Variants in NOTCH2 observed in about 807,000 individuals in gnomAD.
NOTCH2 encodes notch receptor 2.
Under a neutral mutation model 235.8 loss-of-function variants are expected in NOTCH2, and 29 were observed. That is an observed-to-expected ratio of 0.12 (90% CI 0.09 to 0.17). The LOEUF (loss-of-function observed/expected upper bound fraction) is 0.17. NOTCH2 is among the 10% of genes least tolerant of loss of function. NOTCH2 has a pLI of 1.00. For synonymous variants in NOTCH2, 1,086 were observed against 1,141.5 expected (o/e 0.95, Z 0.98); for missense variants, 2,285 against 3,150.2 (o/e 0.73, Z 6.57).
At chr1:119,935,679 T>C (rs1649824562) in intron 21 of NOTCH2, 75 bp from the exon 22 acceptor site, 2 of 1,525,766 alleles carry the variant, frequency 1.3e-6, no homozygotes, top group Non-Finnish European at 1.8e-6. Context: ...TAGTGAGATC[T>C]GGAACATTTC....
chr1:119,938,487 G>A (rs1400833476), intron 19 of NOTCH2, among the ~76,000 whole-genome samples: 20 of 152,144 alleles, frequency 1.3e-4, no homozygotes, highest in African/African-American at 4.6e-4. Context: ...AGTCCTAGTG[G>A]TGGCAGGTCA....
Position 119,937,996 on chromosome 1 carries a change from G to A in NOTCH2, c.3198C>T (p.Leu1066=). The change falls in exon 20 of 34, where the codon CTC becomes CTT. Residue 1066 remains leucine (L), a synonymous_variant. Transcript: ENST00000256646. The stretch of plus-strand genomic sequence containing the variant: ...TGTTTTTACATGGAGACCGACTGCA[G>A]AGATTCACCAGGGTCTGAAACAGAG... ...TGKNCQTLVN[L]CSRSPCKNKG... The A allele has an allele frequency of 6.2e-7, 1 of 1,614,190 alleles. No individual in the cohort carries two copies.
chr1:120,029,671 C>T lies in NOTCH2; in HGVS notation c.155+235G>A, dbSNP rs587623812. On this transcript the variant is annotated intron_variant, in intron 2 of 33. Transcript: ENST00000256646. Reference sequence around the variant, plus strand: ...GTCTACCCCATATACATTAACTAGCCACTCACTGAAAAGTCTTTTTCATAG... The same window carrying T: ...GTCTACCCCATATACATTAACTAGCTACTCACTGAAAAGTCTTTTTCATAG... Among the ~76,000 whole-genome samples, 7 of 151,012 alleles carry T rather than the reference C, an allele frequency of 4.6e-5. No homozygotes were observed. The East Asian group carries it at 1.2e-3, about 25-fold the overall frequency.
Position 120,069,444 on chromosome 1 carries a change from G to T in NOTCH2, c.-38C>A, listed in dbSNP as rs1553217988. The T allele has an allele frequency of 2.0e-6, 3 of 1,526,124 alleles. No individual in the cohort carries two copies. The highest frequency in any genetic ancestry group is 2.0e-5 in the Admixed American group (1 of 49,142). 94.5% of individuals were successfully genotyped at this position (1,526,124 alleles called of 1,614,324 possible). ...CTCCTCCTCCGCCGCCGCCGCCGCCGCCTGGGCAGATCCACATGGGGAGGG... is the reference window on the plus strand; with the variant it reads ...CTCCTCCTCCGCCGCCGCCGCCGCCTCCTGGGCAGATCCACATGGGGAGGG... On this transcript the variant is annotated 5_prime_UTR_variant, in exon 1 of 34. Coordinates refer to ENST00000256646, the MANE Select transcript of NOTCH2 (RefSeq NM_024408.4).
chr1:120,004,877 A>G (rs1362922558), intron 3 of NOTCH2, among the ~76,000 whole-genome samples: 2 of 152,130 alleles, frequency 1.3e-5, no homozygotes, highest in Admixed American at 1.3e-4. Context: ...GGCTCAAGCA[A>G]TTCTTCCACT....
chr1:119,986,988 G>C lies in NOTCH2; in HGVS notation c.846C>G (p.Tyr282Ter). The stretch of plus-strand genomic sequence containing the variant: ...TCCATTGTGGGGGACAGCGGCAGTT[G>C]TAAGTGTTGACCCCATCCACACAAA... ...GGVCVDGVNTYNCRCPPQWTG... is the reference protein window; with the variant it reads ...GGVCVDGVNT Residue 282 changes from tyrosine (Y) to a stop codon, truncating the protein, a stop_gained, in exon 5 of 34, where the codon TAC (tyrosine) becomes TAG (stop). Coordinates refer to ENST00000256646, the MANE Select transcript of NOTCH2 (RefSeq NM_024408.4). LOFTEE classifies it high-confidence loss of function. 1 of 1,613,658 alleles carries C rather than the reference G, an allele frequency of 6.2e-7. No individual in the cohort carries two copies. The highest frequency in any genetic ancestry group is 8.5e-7 in the Non-Finnish European group (1 of 1,179,664).
At chr1:120,003,473 C>A (rs1394525641) in intron 3 of NOTCH2, among the ~76,000 whole-genome samples, 1 of 151,508 alleles carries the variant, frequency 6.6e-6, no homozygotes, top group African/African-American at 2.4e-5. Context: ...AACCCTAATA[C>A]AATGAAAAAT....
intron 1 of NOTCH2, among the ~76,000 whole-genome samples, chr1:120,031,015 T>C (rs1205541373): frequency 6.9e-6 from 1 of 145,380 alleles, no homozygotes; most frequent in Non-Finnish European, 1.5e-5. Context: ...GAACTCTTTC[T>C]TGGAAGTTAT....
intron 5 of NOTCH2, among the ~76,000 whole-genome samples, chr1:119,970,047 G>C (rs1651301816): frequency 6.6e-6 from 1 of 151,920 alleles, no homozygotes; most frequent in Admixed American, 6.6e-5. Flanking sequence ...CTAATCCCTG[G>C]GTCAATGAAC....
chr1:119,924,420 A>G (rs1297265200), intron 25 of NOTCH2, among the ~76,000 whole-genome samples: 1 of 152,202 alleles, frequency 6.6e-6, no homozygotes, highest in Non-Finnish European at 1.5e-5. Context: ...GAGTTGCCAT[A>G]CAGAGAACAA....
chr1:119,929,344 GT>G, intron 22 of NOTCH2, 132 bp from the exon 23 acceptor site: 2 of 754,606 alleles, frequency 2.7e-6, no homozygotes, highest in South Asian at 3.0e-5. Context: ...GGACCTTGTA[GT>G]TGGGCAGGGC....
Position 119,929,208 on chromosome 1 carries a change from T to A in NOTCH2, c.3660A>T (p.Leu1220=), listed in dbSNP as rs1649570797. 1.2e-6 allele frequency: 2 copies of A among 1,612,536 alleles called. No homozygotes were observed. The highest frequency in any genetic ancestry group is 2.2e-5 in the South Asian group (2 of 91,054). The change falls in exon 23 of 34, where the codon CTA becomes CTT. Residue 1220 remains leucine (L), a synonymous_variant. Transcript: ENST00000256646. ...AGTCATCAATGTTCTCTTCACAGAGTAGGCCTGGAGGAAAGAGAAGAGGTA... is the reference window on the plus strand; with the variant it reads ...AGTCATCAATGTTCTCTTCACAGAGAAGGCCTGGAGGAAAGAGAAGAGGTA... ...KCSCPPGTRG[L]LCEENIDDCA... is the part of the protein sequence containing the mutation.
chr1:119,925,376 A>G lies in NOTCH2; in HGVS notation c.4440T>C (p.Cys1480=). Reference sequence around the variant, plus strand: ...ACTCGACCGTGTTGCACAGCTCATCACACTGGTTGTTGATATAATCCCAGC... The same window carrying G: ...ACTCGACCGTGTTGCACAGCTCATCGCACTGGTTGTTGATATAATCCCAGC... ...LPCWDYINNQ[C]DELCNTVECL... is the part of the protein sequence containing the mutation. Residue 1480 remains cysteine, a synonymous_variant, in exon 25 of 34, where the codon TGT becomes TGC. Transcript: ENST00000256646. 1 of 1,614,168 alleles carries G rather than the reference A, an allele frequency of 6.2e-7. No individual in the cohort carries two copies. The highest frequency in any genetic ancestry group is 8.5e-7 in the Non-Finnish European group (1 of 1,180,028).
In NOTCH2 at chr1:119,929,103, G is replaced by A. The variant is rs1553194816; in HGVS notation, c.3765C>T (p.Gly1255=). ...CTCCCTCACAACGCTCCCCAGCAAA[G>A]CCAGGCAAGCAGCGACAACTGTAGC... is the stretch of plus-strand genomic sequence containing the variant. ...IGGYSCRCLP[G]FAGERCEGDI... is the part of the protein sequence containing the mutation. The change falls in exon 23 of 34, where the codon GGC becomes GGT. Residue 1255 remains glycine, a synonymous_variant. Coordinates refer to ENST00000256646, the MANE Select transcript of NOTCH2 (RefSeq NM_024408.4). 6.2e-7 allele frequency: 1 copy of A among 1,614,220 alleles called. No homozygotes were observed. Among genetic ancestry groups the A allele is most frequent in the South Asian group, 1.1e-5 (1 of 91,080 alleles).
chr1:119,944,425 C>T (rs1297695332), intron 17 of NOTCH2, among the ~76,000 whole-genome samples: 1 of 151,430 alleles, frequency 6.6e-6, no homozygotes, highest in African/African-American at 2.4e-5. Context: ...GTCCCAGCTA[C>T]TTGGCAGGCT....
At chr1:119,959,036 A>C (rs1465616242) in intron 12 of NOTCH2, among the ~76,000 whole-genome samples, 1 of 152,166 alleles carries the variant, frequency 6.6e-6, no homozygotes, top group Non-Finnish European at 1.5e-5. Flanking sequence ...TATTTTCATA[A>C]GATTTTACCT....
At chr1:119,961,851 C>T (rs1203638500) in intron 11 of NOTCH2, among the ~76,000 whole-genome samples, 4 of 152,176 alleles carry the variant, frequency 2.6e-5, no homozygotes, top group African/African-American at 4.8e-5. Flanking sequence ...CCTATCCAAA[C>T]ACCAAACTAC....
chr1:119,932,615 CT>C (rs1370046788), intron 22 of NOTCH2, among the ~76,000 whole-genome samples: 1 of 126,160 alleles, frequency 7.9e-6, no homozygotes, highest in African/African-American at 3.1e-5. Context: ...AAATATCTAT[CT>C]ATCTATCTAT....
At position 119,915,402 on chromosome 1, in the gene NOTCH2, G is replaced by A. The variant is rs748931755; in HGVS notation, c.7320C>T (p.Thr2440=). 1.9e-6 allele frequency: 3 copies of A among 1,614,204 alleles called. No individual in the cohort carries two copies. Among genetic ancestry groups the A allele is most frequent in the Non-Finnish European group, 1.7e-6 (2 of 1,180,024 alleles). The change falls in exon 34 of 34, where the codon ACC becomes ACT. Residue 2440 remains threonine, a synonymous_variant. Coordinates refer to ENST00000256646, the MANE Select transcript of NOTCH2 (RefSeq NM_024408.4). ...PHSASDWSDV[T]TSPTPGGAGG... ...CAGCACCCCCAGGGGTAGGGCTGGT[G>A]GTCACATCTGACCAGTCAGAAGCAG... is the stretch of plus-strand genomic sequence containing the variant.
Sources: allele counts gnomAD v4.1 joint callset (sites outside exome capture counted in the v4.1 genomes callset), GRCh38; gene constraint gnomAD v4.1.1; transcripts MANE v1.5; gene names NCBI Gene and HGNC (gene_info 2026-07-23, HGNC 2026-07-21).